Variants in ANK2 observed in about 807,000 individuals in gnomAD.
ANK2 encodes ankyrin 2.
Under a neutral mutation model 360.5 loss-of-function variants are expected in ANK2, and 83 were observed. The ratio of observed to expected loss-of-function variants is 0.23; its 90% CI spans 0.19 to 0.28. The LOEUF (loss-of-function observed/expected upper bound fraction) is 0.28, where lower values mean the gene tolerates loss of function less well. Ranked by LOEUF, ANK2 falls within the 10% of genes least tolerant of loss-of-function variation. The pLI, the probability that ANK2 is intolerant of heterozygous loss-of-function variation, is 1.00. For synonymous variants in ANK2, 1,740 were observed against 1,759.5 expected, an observed-to-expected ratio of 0.99 and a Z score of 0.28; for missense variants, 4,201 against 4,795.7, an observed-to-expected ratio of 0.88 and a Z score of 3.66.
the ANK2 span, among the ~76,000 whole-genome samples, chr4:112,771,186 T>C: frequency 6.6e-6 from 1 of 152,228 alleles, no homozygotes; most frequent in African/African-American, 2.4e-5. Flanking sequence ...GATCTTGGCT[T>C]ACCACGACCT....
chr4:112,867,393 G>GT (rs148134523), intron 1 of ANK2, among the ~76,000 whole-genome samples: 1 of 150,788 alleles, frequency 6.6e-6, no homozygotes, highest in Admixed American at 6.6e-5. Context: ...TATAGGTTTT[G>GT]TTTTTTTTAA....
At chr4:113,180,270 G>A (rs531344984) in intron 2 of ANK2, among the ~76,000 whole-genome samples, 6 of 152,282 alleles carry the variant, frequency 3.9e-5, no homozygotes, top group African/African-American at 1.4e-4. Context: ...AGTGACCCTC[G>A]GCAGTCAGCT....
intron 39 of ANK2, among the ~76,000 whole-genome samples, chr4:113,362,875 C>T (rs2096301225): frequency 6.6e-6 from 1 of 152,144 alleles, no homozygotes; most frequent in Non-Finnish European, 1.5e-5. Context: ...ATTTATCCAA[C>T]CACCATAATA....
At chr4:113,117,244 T>C in intron 1 of ANK2, 1 of 453,776 alleles carries the variant, frequency 2.2e-6, no homozygotes, top group Non-Finnish European at 4.4e-6. Context: ...TGCTGGGGAG[T>C]GGAAACTGAT....
At chr4:112,705,892 C>T in the ANK2 span, among the ~76,000 whole-genome samples, 4 of 151,760 alleles carry the variant, frequency 2.6e-5, no homozygotes, top group African/African-American at 9.7e-5. Flanking sequence ...GCCAAGGTCG[C>T]GTCCGACCCC....
intron 1 of ANK2, chr4:112,826,183 G>A: frequency 3.4e-6 from 1 of 294,578 alleles, no homozygotes; most frequent in South Asian, 4.9e-5. Context: ...AGATGAACTT[G>A]CCCCAAATGT....
intron 23 of ANK2, among the ~76,000 whole-genome samples, chr4:113,303,559 G>C (rs1051105610): frequency 6.6e-6 from 1 of 152,048 alleles, no homozygotes; most frequent in African/African-American, 2.4e-5. Context: ...AGGGTGTCCG[G>C]CTCCCTATCT....
intron 1 of ANK2, among the ~76,000 whole-genome samples, chr4:113,098,145 C>T (rs1030937874): frequency 6.6e-6 from 1 of 151,292 alleles, no homozygotes; most frequent in South Asian, 2.1e-4. Flanking sequence ...AAGCTTTTAT[C>T]ATAGAAAACT....
intron 1 of ANK2, among the ~76,000 whole-genome samples, chr4:113,157,354 G>A (rs748505933): frequency 1.6e-4 from 25 of 152,190 alleles, no homozygotes; most frequent in Non-Finnish European, 3.4e-4. Flanking sequence ...TATAGAAACA[G>A]AGGGACAAAT....
Position 113,356,010 on chromosome 4 carries a change from T to C in ANK2, c.7392T>C (p.Pro2464=), listed in dbSNP as rs1214317931. 1.1e-5 allele frequency: 18 copies of C among 1,613,972 alleles called. No homozygotes were observed. Among genetic ancestry groups the C allele is most frequent in the Non-Finnish European group, 1.5e-5 (18 of 1,179,980 alleles). Residue 2464 remains proline, a synonymous_variant, in exon 38 of 46, where the codon CCT becomes CCC. Transcript: ENST00000357077. The part of the protein sequence containing the change: ...SLEPSPLKES[P]CRDSLESSPV... Reference sequence around the variant, plus strand: ...AGCCAAGTCCTCTGAAAGAATCCCCTTGCCGTGACTCTCTGGAAAGCAGCC... The same window carrying C: ...AGCCAAGTCCTCTGAAAGAATCCCCCTGCCGTGACTCTCTGGAAAGCAGCC...
At chr4:112,817,925 A>G (rs1462232675), upstream of ANK2, among the ~76,000 whole-genome samples, 1 of 152,202 alleles carries the variant, frequency 6.6e-6, no homozygotes, top group Admixed American at 6.5e-5. Flanking sequence ...ATTTTGTGAG[A>G]AAACAACAGT....
chr4:112,708,127 G>A, the ANK2 span, among the ~76,000 whole-genome samples: 2 of 152,330 alleles, frequency 1.3e-5, no homozygotes, highest in East Asian at 3.9e-4. Flanking sequence ...GTGATTTTGA[G>A]CAAATTAGAA....
At chr4:113,101,191 G>A (rs370970707) in intron 1 of ANK2, among the ~76,000 whole-genome samples, 5 of 152,104 alleles carry the variant, frequency 3.3e-5, no homozygotes, top group African/African-American at 4.8e-5. Flanking sequence ...ACATTTTTCC[G>A]AATTATAGAG....
chr4:112,710,334 A>G, the ANK2 span, among the ~76,000 whole-genome samples: 1 of 152,124 alleles, frequency 6.6e-6, no homozygotes, highest in Non-Finnish European at 1.5e-5. Flanking sequence ...TTCTGCTTTG[A>G]GTTACTCGGA....
the ANK2 span, among the ~76,000 whole-genome samples, chr4:112,715,182 G>T: frequency 6.6e-6 from 1 of 152,076 alleles, no homozygotes; most frequent in African/African-American, 2.4e-5. Flanking sequence ...TCTCTGTGTG[G>T]ATCTTGGCTT....
In ANK2 at chr4:113,353,336, G is replaced by A; in HGVS notation, c.4718G>A (p.Arg1573Lys). 2 of 1,614,076 alleles carry A rather than the reference G, an allele frequency of 1.2e-6. No homozygotes were observed. The highest frequency in any genetic ancestry group is 1.3e-5 in the African/African-American group (1 of 75,046). Residue 1573 changes from arginine to lysine, a missense_variant, in exon 38 of 46, where the codon AGA becomes AAA. By Grantham distance (26) the Arg-to-Lys change is conservative. Around this residue, in one of 4 missense-constraint regions of ANK2, gnomAD observed 1,268 missense variants for 1,650.8 expected, o/e 0.77. Coordinates refer to ENST00000357077, the MANE Select transcript of ANK2 (RefSeq NM_001148.6). The stretch of plus-strand genomic sequence containing the variant: ...ATCCTGAGAAGTGGAACCTGCACAA[G>A]AGATGAAAGCAGTGTGCAGAGCTCT... Reference protein sequence around the residue: ...NEILRSGTCTRDESSVQSSRS... With the variant: ...NEILRSGTCTKDESSVQSSRS...
At chr4:112,757,071 A>G in the ANK2 span, among the ~76,000 whole-genome samples, 4 of 151,294 alleles carry the variant, frequency 2.6e-5, no homozygotes, top group Non-Finnish European at 4.4e-5. Context: ...TAATTCCCAA[A>G]TTATATCATT....
At chr4:113,024,873 TA>T (rs2058930844) in intron 2 of ANK2, among the ~76,000 whole-genome samples, 2 of 152,256 alleles carry the variant, frequency 1.3e-5, no homozygotes, top group South Asian at 4.1e-4. Flanking sequence ...ATCTTTCCCA[TA>T]AAAAATTTTC....
chr4:113,135,519 C>CTGTGTG (rs1554167121), intron 1 of ANK2, among the ~76,000 whole-genome samples: 4 of 146,912 alleles, frequency 2.7e-5, no homozygotes, highest in East Asian at 3.9e-4. Flanking sequence ...CTGTGTGTGT[C>CTGTGTG]TCTCTGTGTG....
Sources: allele counts gnomAD v4.1 joint callset (sites outside exome capture counted in the v4.1 genomes callset), GRCh38; gene constraint gnomAD v4.1.1; regional missense constraint gnomAD v4.1.1; transcripts MANE v1.5; gene names NCBI Gene and HGNC (gene_info 2026-07-23, HGNC 2026-07-21).